Variants in ZNF20 observed in about 807,000 individuals in gnomAD.
ZNF20 encodes the protein zinc finger protein 20.
Under a neutral mutation model 11.0 loss-of-function variants are expected in ZNF20, and 9 were observed. That is an observed-to-expected ratio of 0.82 (90% CI 0.49 to 1.43). The LOEUF is 1.43. Among genes scored for constraint, ZNF20 ranks in the 40% most tolerant of loss-of-function variants. The probability of loss-of-function intolerance (pLI) is 0.00; values close to 1 mark genes in which losing one functional copy is unlikely to be tolerated. For synonymous variants in ZNF20, 182 were observed against 213.0 expected, an observed-to-expected ratio of 0.85 and a Z score of 1.27; for missense variants, 528 against 640.8, an observed-to-expected ratio of 0.82 and a Z score of 1.90.
intron 1 of ZNF20, chr19:12,136,961 T>C (rs1976722151): frequency 2.6e-6 from 1 of 383,580 alleles, no homozygotes; most frequent in Admixed American, 3.5e-5. Context: ...CTTCTTATGT[T>C]ACCTTACCAT....
In ZNF20 at chr19:12,133,432, C is replaced by T. The variant is rs1490441782; in HGVS notation, c.754G>A (p.Val252Met). 4 of 1,613,952 alleles carry T rather than the reference C, an allele frequency of 2.5e-6. No individual in the cohort carries two copies. The East Asian group carries it at 8.9e-5, about 36-fold the overall frequency. The change falls in exon 4 of 4, where the codon GTG (valine) becomes ATG (methionine). Residue 252 changes from valine to methionine, a missense_variant. By Grantham distance (21) the Val-to-Met change is conservative. Coordinates refer to ENST00000334213, the MANE Select transcript of ZNF20 (RefSeq NM_021143.4). ...LPVHERTHTG[V>M]NADECKECGN... ...CATTCTTTACATTCATCGGCATTCA[C>T]TCCTGTGTGAGTTCTTTCATGTACT...
intron 1 of ZNF20, among the ~76,000 whole-genome samples, chr19:12,137,925 A>T (rs1411550093): frequency 6.6e-6 from 1 of 152,134 alleles, no homozygotes; most frequent in East Asian, 1.9e-4. Context: ...TATCTAGATG[A>T]AGAGTGTACC....
intron 3 of ZNF20, 130 bp from the exon 4 acceptor site, chr19:12,134,115 G>C (rs1451428462): frequency 1.4e-6 from 1 of 736,764 alleles, no homozygotes; most frequent in Non-Finnish European, 2.1e-6. Flanking sequence ...CCTGAGGTCA[G>C]GAGTTTGAGA....
At chr19:12,135,450 C>T (rs1386516351) in intron 3 of ZNF20, 50 bp downstream of exon 3, 5 of 1,594,392 alleles carry the variant, frequency 3.1e-6, no homozygotes, top group Non-Finnish European at 4.3e-6. Flanking sequence ...TATTTTCTCA[C>T]ATTTTAAGAT....
Position 12,133,517 on chromosome 19 carries a change from A to C in ZNF20, c.669T>G (p.Gly223=), listed in dbSNP as rs1248770752. 3 of 1,614,214 alleles carry C rather than the reference A, an allele frequency of 1.9e-6. No homozygotes were observed. The highest frequency in any genetic ancestry group is 2.5e-6 in the Non-Finnish European group (3 of 1,180,050). The change falls in exon 4 of 4, where the codon GGT becomes GGG. Residue 223 remains glycine, a synonymous_variant. Coordinates refer to ENST00000334213, the MANE Select transcript of ZNF20 (RefSeq NM_021143.4). ...ATTGTTTACACTTATATGGTTTCAC[A>C]CCAGTGTGAATTCGTTCATGGATAA... ...LCLIHERIHT[G]VKPYKCKQCG...
intron 2 of ZNF20, 49 bp downstream of exon 2, chr19:12,135,720 A>G (rs1360069781): frequency 3.1e-6 from 5 of 1,607,964 alleles, no homozygotes; most frequent in African/African-American, 1.3e-5. Flanking sequence ...TTGATGAGCT[A>G]GAAGCATTTG....
chr19:12,136,090 T>A (rs796298413), intron 1 of ZNF20, among the ~76,000 whole-genome samples, 186 bp from the exon 2 acceptor site: 1 of 152,044 alleles, frequency 6.6e-6, no homozygotes, highest in South Asian at 2.1e-4. Context: ...AGAGAGAGGG[T>A]CTTTGGCCAG....
At position 12,139,318 on chromosome 19, in the gene ZNF20, T is replaced by G. The variant is rs1290311609; in HGVS notation, c.3+862A>C. Among the ~76,000 whole-genome samples the G allele has an allele frequency of 1.3e-5, 2 of 152,248 alleles. No individual in the cohort carries two copies. The highest frequency in any genetic ancestry group is 4.8e-5 in the African/African-American group (2 of 41,480). The stretch of plus-strand genomic sequence containing the variant: ...CTGTAACGGGGCCTTTGAGCCCCTG[T>G]GCTCAGCCCCGCTTGCACACTGTGG... On this transcript the variant is annotated intron_variant, in intron 1 of 3. Coordinates refer to ENST00000334213, the MANE Select transcript of ZNF20 (RefSeq NM_021143.4). This position sits in a 1 kb window ranked among gnomAD's most constrained non-coding sequence, Gnocchi z 4.0.
Position 12,132,641 on chromosome 19 carries a change from A to G in ZNF20, c.1545T>C (p.Phe515=). The G allele has an allele frequency of 6.2e-7, 1 of 1,613,020 alleles. No homozygotes were observed. Among genetic ancestry groups the G allele is most frequent in the African/African-American group, 1.3e-5 (1 of 74,962 alleles). Residue 515 remains phenylalanine, a synonymous_variant, in exon 4 of 4, where the codon TTT becomes TTC. Transcript: ENST00000334213. ...PYQCKQCGKA[F]IRASSCREHE... is the part of the protein sequence containing the mutation. ...GTTCTCGACATGAACTGGCACGAAT[A>G]AAGGCTTTGCCACATTGCTTGCATT...
intron 1 of ZNF20, among the ~76,000 whole-genome samples, chr19:12,138,213 G>T (rs773177546): frequency 1.3e-5 from 2 of 152,168 alleles, no homozygotes; most frequent in Non-Finnish European, 2.9e-5. Context: ...AGCACTTTGG[G>T]AGGCTGAGGC....
intron 1 of ZNF20, 61 bp downstream of exon 1, chr19:12,140,119 G>A: frequency 6.4e-7 from 1 of 1,566,362 alleles, no homozygotes; most frequent in Non-Finnish European, 8.7e-7. Flanking sequence ...CACCACAGCC[G>A]CTTCCGGCCG....
Position 12,132,419 on chromosome 19 carries a change from A to G in ZNF20, c.*168T>C, listed in dbSNP as rs1271564497. On this transcript the variant is annotated 3_prime_UTR_variant, in exon 4 of 4. Coordinates refer to ENST00000334213, the MANE Select transcript of ZNF20 (RefSeq NM_021143.4). The stretch of plus-strand genomic sequence containing the variant: ...GCAAGATTGGCTATAGGTGAATTGT[A>G]TTACGAAACCATCCAAGTTCTTCTA... The G allele has an allele frequency of 5.8e-6, 4 of 684,514 alleles. No individual in the cohort carries two copies. The highest frequency in any genetic ancestry group is 2.8e-5 in the East Asian group (1 of 36,252). 42.4% of individuals were successfully genotyped at this position (684,514 alleles called of 1,614,324 possible). A position where few individuals can be genotyped will look rare whatever the true frequency, so the allele number is the denominator to read the frequency against.
rs1038601420 is a variant in ZNF20 at position 12,132,403 on chromosome 19, GC to G, written c.*183del. The G allele has an allele frequency of 1.6e-6, 1 of 609,828 alleles. No individual in the cohort carries two copies. The highest frequency in any genetic ancestry group is 3.5e-5 in the Admixed American group (1 of 28,804). The allele number at this position is 609,828 out of a possible 1,614,324, so 37.8% of individuals were successfully genotyped here. A position where few individuals can be genotyped will look rare whatever the true frequency, so the allele number is the denominator to read the frequency against. On this transcript the variant is annotated 3_prime_UTR_variant, in exon 4 of 4. Transcript: ENST00000334213. ...GCCTTTGAAATCTCATGCAAGATTGGCTATAGGTGAATTGTATTACGAAACC... is the reference window on the plus strand; with the variant it reads ...GCCTTTGAAATCTCATGCAAGATTGGTATAGGTGAATTGTATTACGAAACC...
At position 12,133,452 on chromosome 19, in the gene ZNF20, T is replaced by C; in HGVS notation, c.734A>G (p.His245Arg). The change falls in exon 4 of 4, where the codon CAT (histidine) becomes CGT (arginine). Residue 245 changes from histidine to arginine, a missense_variant. Transcript: ENST00000334213. ...ATTCACTCCTGTGTGAGTTCTTTCA[T>C]GTACTGGAAGGGTAGTGGAACGAGT... ...AFTRSTTLPV[H>R]ERTHTGVNAD... 6.2e-7 allele frequency: 1 copy of C among 1,614,142 alleles called. No individual in the cohort carries two copies. Among genetic ancestry groups the C allele is most frequent in the Non-Finnish European group, 8.5e-7 (1 of 1,179,960 alleles).
Position 12,132,614 on chromosome 19 carries a change from A to G in ZNF20, c.1572T>C (p.His524=). The change falls in exon 4 of 4, where the codon CAT becomes CAC. Residue 524 remains histidine (H), a synonymous_variant. Coordinates refer to ENST00000334213, the MANE Select transcript of ZNF20 (RefSeq NM_021143.4). The stretch of plus-strand genomic sequence containing the variant: ...ATCTATTAATGGTATGAGTTCTTTC[A>G]TGTTCTCGACATGAACTGGCACGAA... ...AFIRASSCRE[H]ERTHTINR is the part of the protein sequence containing the mutation. 6.2e-7 allele frequency: 1 copy of G among 1,601,980 alleles called. No individual in the cohort carries two copies. The highest frequency in any genetic ancestry group is 8.5e-7 in the Non-Finnish European group (1 of 1,175,758).
rs755416194 is a variant in ZNF20 at position 12,133,840 on chromosome 19, C to G, written c.346G>C (p.Gly116Arg). The stretch of plus-strand genomic sequence containing the variant: ...ATATGCGTATTAAGAGATGAATGAC[C>G]CGTGCCAACTTCTCCACACACACTG... ...ESSVCGEVGT[G>R]HSSLNTHIRA... The change falls in exon 4 of 4, where the codon GGT (glycine) becomes CGT (arginine). Residue 116 changes from glycine to arginine, a missense_variant. Gly to Arg is a moderately radical substitution (Grantham distance 125, BLOSUM62 -2). Transcript: ENST00000334213. The G allele has an allele frequency of 2.2e-5, 36 of 1,614,116 alleles. No individual in the cohort carries two copies. Among genetic ancestry groups the G allele is most frequent in the East Asian group, 1.8e-4 (8 of 44,882 alleles).
rs1166226169 is a variant in ZNF20 at position 12,131,608 on chromosome 19, A to T, written c.*979T>A. On this transcript the variant is annotated 3_prime_UTR_variant, in exon 4 of 4. Coordinates refer to ENST00000334213, the MANE Select transcript of ZNF20 (RefSeq NM_021143.4). ...AAGTAAAATCTACATGAGGAAAAAT[A>T]TGCCTGACATCCACATGGCAACACT... 3 of 152,276 alleles carry T rather than the reference A, an allele frequency of 2.0e-5. No individual in the cohort carries two copies. 9.4% of individuals were successfully genotyped at this position (152,276 alleles called of 1,614,324 possible). A position where few individuals can be genotyped will look rare whatever the true frequency, so the allele number is the denominator to read the frequency against.
chr19:12,133,232 T>C lies in ZNF20; in HGVS notation c.954A>G (p.Lys318=), dbSNP rs1018172490. 3.1e-6 allele frequency: 5 copies of C among 1,613,886 alleles called. No individual in the cohort carries two copies. In the Admixed American group the frequency reaches 8.3e-5, roughly 27 times the overall value. ...GAAGGTGTGAGCCACATCTAAAGGC[T>C]TTCCCACACTGCTTACATTCATAGG... ...EKPYECKQCG[K]AFRCGSHLQK... The change falls in exon 4 of 4, where the codon AAA becomes AAG. Residue 318 remains lysine (K), a synonymous_variant. Coordinates refer to ENST00000334213, the MANE Select transcript of ZNF20 (RefSeq NM_021143.4).
chr19:12,138,086 C>T (rs894046637), intron 1 of ZNF20, among the ~76,000 whole-genome samples: 1 of 152,098 alleles, frequency 6.6e-6, no homozygotes, highest in Non-Finnish European at 1.5e-5. Flanking sequence ...CAGCCCCAGG[C>T]GGTTCTGAAA....
Sources: allele counts gnomAD v4.1 joint callset (sites outside exome capture counted in the v4.1 genomes callset), GRCh38; gene constraint gnomAD v4.1.1; non-coding constraint Gnocchi (gnomAD v3.1); transcripts MANE v1.5; gene names NCBI Gene and HGNC (gene_info 2026-07-23, HGNC 2026-07-21).